Variants in PLD1 observed in about 807,000 individuals in gnomAD.
The protein encoded by PLD1 is choline phosphatase 1.
In PLD1, 112 loss-of-function variants were observed where a neutral mutation model predicts 137.1. That is an observed-to-expected ratio of 0.82 (90% CI 0.70 to 0.96). The LOEUF (loss-of-function observed/expected upper bound fraction) is 0.96. Ranked by LOEUF, PLD1 falls within the 40% of genes least tolerant of loss-of-function variation. PLD1 has a pLI of 0.00. For missense variants in PLD1, 1,321 were observed against 1,342.0 expected, an observed-to-expected ratio of 0.98 and a Z score of 0.24; for synonymous variants, 431 against 454.7, an observed-to-expected ratio of 0.95 and a Z score of 0.66.
At chr3:171,699,861 A>G (rs1271620143) in intron 11 of PLD1, 35 bp from the exon 12 acceptor site, 1 of 1,518,410 alleles carries the variant, frequency 6.6e-7, no homozygotes, top group Non-Finnish European at 9.1e-7. Context: ...AAGTAACTAA[A>G]ACAAAATATA....
intron 24 of PLD1, among the ~76,000 whole-genome samples, chr3:171,616,286 T>C (rs1181909741): frequency 2.6e-5 from 4 of 152,184 alleles, no homozygotes. Context: ...AATGAAGAAA[T>C]TTCTGAATTT....
chr3:171,767,373 C>G (rs1722051936), intron 1 of PLD1, among the ~76,000 whole-genome samples: 1 of 152,134 alleles, frequency 6.6e-6, no homozygotes, highest in Non-Finnish European at 1.5e-5. Flanking sequence ...CTTACCAACC[C>G]AAGTAGAGAA....
chr3:171,661,223 G>T (rs1737638496), intron 20 of PLD1, among the ~76,000 whole-genome samples: 1 of 152,112 alleles, frequency 6.6e-6, no homozygotes, highest in African/African-American at 2.4e-5. Context: ...CTAATGAATT[G>T]TTGCTGTGCA....
At chr3:171,732,218 A>G (rs769117159) in intron 6 of PLD1, among the ~76,000 whole-genome samples, 1 of 152,218 alleles carries the variant, frequency 6.6e-6, no homozygotes, top group Non-Finnish European at 1.5e-5. Flanking sequence ...ATCCTTATTC[A>G]TTGTTATTTC....
intron 23 of PLD1, among the ~76,000 whole-genome samples, chr3:171,626,875 C>G (rs528574967): frequency 6.6e-6 from 1 of 152,348 alleles, no homozygotes; most frequent in Admixed American, 6.5e-5. Context: ...ATAGGAACAG[C>G]TGGTACCAGC....
chr3:171,676,791 T>C lies in PLD1; in HGVS notation c.2039A>G (p.Asp680Gly). ...CTTCCCGTGGACTGCAGAGGCAATG[T>C]CATGCCAGGGCATCCGGGGCGTGGA... Reference protein sequence around the residue: ...RYSTPRMPWHDIASAVHGKAA... With the variant: ...RYSTPRMPWHGIASAVHGKAA... Residue 680 changes from aspartate (D) to glycine (G), a missense_variant, in exon 18 of 27, where the codon GAC becomes GGC. By Grantham distance (94) the Asp-to-Gly change is moderately conservative. Transcript: ENST00000351298. The C allele has an allele frequency of 6.2e-7, 1 of 1,614,180 alleles. No homozygotes were observed. Among genetic ancestry groups the C allele is most frequent in the East Asian group, 2.2e-5 (1 of 44,874 alleles).
intron 1 of PLD1, among the ~76,000 whole-genome samples, chr3:171,780,403 G>A (rs568887395): frequency 4.6e-5 from 7 of 152,312 alleles, no homozygotes; most frequent in East Asian, 1.9e-4. Context: ...GGCTTTAAAC[G>A]TGGTAGTTAG....
At chr3:171,651,814 C>A (rs532394422) in intron 21 of PLD1, among the ~76,000 whole-genome samples, 1 of 152,134 alleles carries the variant, frequency 6.6e-6, no homozygotes, top group African/African-American at 2.4e-5. Context: ...ATGGCCCAGA[C>A]GGTTTTCATT....
intron 21 of PLD1, among the ~76,000 whole-genome samples, chr3:171,648,457 C>T (rs1309059073): frequency 1.3e-5 from 2 of 151,954 alleles, no homozygotes; most frequent in Non-Finnish European, 2.9e-5. Context: ...GTATTTTTTC[C>T]TTCTACACAA....
At chr3:171,810,165 T>G (rs73046033) in intron 1 of PLD1, among the ~76,000 whole-genome samples, 22,212 of 152,296 alleles carry the variant, frequency 0.15, 1,915 homozygotes, top group African/African-American at 0.24. Flanking sequence ...GCGGCAAAAG[T>G]GCGTGCCAGA....
At chr3:171,617,771 A>T (rs1271387667) in intron 24 of PLD1, among the ~76,000 whole-genome samples, 2 of 152,176 alleles carry the variant, frequency 1.3e-5, no homozygotes, top group Non-Finnish European at 2.9e-5. Context: ...ATATTTCCTC[A>T]TGAGGAGTAA....
Position 171,787,979 on chromosome 3 carries a change from G to T in PLD1, c.-32+22420C>A, listed in dbSNP as rs1332555800. The stretch of plus-strand genomic sequence containing the variant: ...CCCAGCACTTTGGGAGGCTGAGGCT[G>T]GTGGATCACCTGGGATCAGGAGTTT... On this transcript the variant is annotated intron_variant, in intron 1 of 26. Coordinates refer to ENST00000351298, the MANE Select transcript of PLD1 (RefSeq NM_002662.5). Among the ~76,000 whole-genome samples, 6 of 152,004 alleles carry T rather than the reference G, an allele frequency of 3.9e-5. No individual in the cohort carries two copies. The East Asian group carries it at 1.2e-3, about 29-fold the overall frequency.
chr3:171,659,804 T>C (rs976774773), intron 20 of PLD1, among the ~76,000 whole-genome samples: 1 of 152,216 alleles, frequency 6.6e-6, no homozygotes, highest in Non-Finnish European at 1.5e-5. Context: ...CTTGTCTTGT[T>C]TGTCTGGGTC....
chr3:171,618,848 A>AGTGTGTGTGTGTGTGT (rs138468678), intron 24 of PLD1, among the ~76,000 whole-genome samples: 3 of 128,696 alleles, frequency 2.3e-5, no homozygotes, highest in Admixed American at 7.3e-5. Flanking sequence ...AAATATTAAA[A>AGTGTGTGTGTGTGTGT]GTGTGTGTGC....
At position 171,726,085 on chromosome 3, in the gene PLD1, A is replaced by C. The variant is rs1163955683; in HGVS notation, c.607-9T>G. The C allele has an allele frequency of 6.2e-7, 1 of 1,606,278 alleles. No individual in the cohort carries two copies. Among genetic ancestry groups the C allele is most frequent in the African/African-American group, 1.3e-5 (1 of 74,802 alleles). ...ATATCAAGAAACTCTGTCTGAAAAG[A>C]AGCAAAAAATCCATCTTTAGCAAGC... On this transcript the variant is annotated splice_polypyrimidine_tract_variant and intron_variant, in intron 6 of 26. Coordinates refer to ENST00000351298, the MANE Select transcript of PLD1 (RefSeq NM_002662.5).
At chr3:171,798,645 T>C (rs1188314875) in intron 1 of PLD1, among the ~76,000 whole-genome samples, 1 of 152,238 alleles carries the variant, frequency 6.6e-6, no homozygotes, top group African/African-American at 2.4e-5. Flanking sequence ...AAGTGCTTAT[T>C]ATGTATGCTT....
intron 23 of PLD1, among the ~76,000 whole-genome samples, chr3:171,640,637 A>C (rs1243717934): frequency 6.6e-6 from 1 of 152,210 alleles, no homozygotes; most frequent in Non-Finnish European, 1.5e-5. Flanking sequence ...CATGCAGTTT[A>C]TAACTCTGCC....
chr3:171,735,317 A>G (rs1446454216), intron 4 of PLD1, among the ~76,000 whole-genome samples, 175 bp downstream of exon 4: 1 of 152,066 alleles, frequency 6.6e-6, no homozygotes, highest in Admixed American at 6.5e-5. Context: ...TAATTTTTTT[A>G]TAGGGAGGAG....
intron 6 of PLD1, among the ~76,000 whole-genome samples, chr3:171,730,741 C>G (rs908973414): frequency 1.3e-5 from 2 of 151,598 alleles, no homozygotes; most frequent in Non-Finnish European, 2.9e-5. Flanking sequence ...CGGGTTCAAG[C>G]GATTCTTCTG....
Sources: gnomAD v4.1 joint callset for allele counts (sites outside exome capture counted in the v4.1 genomes callset) on GRCh38, gnomAD v4.1.1 for gene constraint, MANE v1.5 for transcripts, NCBI Gene and HGNC (gene_info 2026-07-23, HGNC 2026-07-21) for gene names.